MACROD2: variants seen among roughly 807,000 people sequenced by gnomAD.
MACROD2 encodes the protein ADP-ribose glycohydrolase MACROD2.
In MACROD2, 36 loss-of-function variants were observed where a neutral mutation model predicts 70.4. The observed-to-expected ratio is 0.51, with a 90% confidence interval of 0.39 to 0.68. MACROD2 has a LOEUF of 0.68. Ranked by LOEUF, MACROD2 falls within the 30% of genes least tolerant of loss-of-function variation. MACROD2 has a pLI of 0.00. For synonymous variants in MACROD2, 172 were observed against 178.8 expected, an observed-to-expected ratio of 0.96 and a Z score of 0.30; for missense variants, 496 against 538.4, an observed-to-expected ratio of 0.92 and a Z score of 0.78.
At chr20:15,964,645 C>T (rs1406312369) in intron 12 of MACROD2, among the ~76,000 whole-genome samples, 2 of 152,126 alleles carry the variant, frequency 1.3e-5, no homozygotes, top group African/African-American at 2.4e-5. Context: ...TTCAATGCAG[C>T]TTTCATCACC....
chr20:14,148,417 A>T lies in MACROD2; in HGVS notation c.271+62689A>T, dbSNP rs376139924. ...ACATTTGTGTACTGGGATCTGAAGA[A>T]CATGACTGCATAATTTAATGATTTT... On this transcript the variant is annotated intron_variant, in intron 3 of 17. Coordinates refer to ENST00000684519, the MANE Select transcript of MACROD2 (RefSeq NM_001351661.2). 5.2e-4 allele frequency among the ~76,000 whole-genome samples: 79 copies of T among 152,324 alleles called. 2 individuals carry two copies. In the South Asian group the frequency reaches 0.016, roughly 31 times the overall value.
chr20:15,930,257 G>T (rs1263739380), intron 10 of MACROD2, among the ~76,000 whole-genome samples: 2 of 152,140 alleles, frequency 1.3e-5, no homozygotes, highest in African/African-American at 2.4e-5. Context: ...AAAAAAGAAA[G>T]CTTGTCCTTA....
At chr20:14,302,991 T>G (rs1419753244) in intron 3 of MACROD2, among the ~76,000 whole-genome samples, 3 of 152,172 alleles carry the variant, frequency 2.0e-5, no homozygotes, top group Non-Finnish European at 4.4e-5. Flanking sequence ...AAAATTATTT[T>G]GCATTCACTG....
chr20:14,079,137 C>T (rs2053955376), intron 2 of MACROD2, among the ~76,000 whole-genome samples: 1 of 152,200 alleles, frequency 6.6e-6, no homozygotes, highest in Admixed American at 6.5e-5. Context: ...TTTTCTTTTA[C>T]TCTGATTCTT....
chr20:14,069,971 G>A (rs1171738305), intron 2 of MACROD2, among the ~76,000 whole-genome samples: 2 of 151,848 alleles, frequency 1.3e-5, no homozygotes, highest in Non-Finnish European at 2.9e-5. Context: ...CCCAGCTGAG[G>A]CCCCTATACC....
At chr20:15,506,731 C>A (rs888227958) in intron 8 of MACROD2, among the ~76,000 whole-genome samples, 11 of 152,164 alleles carry the variant, frequency 7.2e-5, no homozygotes, top group Non-Finnish European at 1.3e-4. Flanking sequence ...AAACAAGCTC[C>A]AAATTCCTGT....
intron 8 of MACROD2, among the ~76,000 whole-genome samples, chr20:15,533,826 G>A (rs114205992): frequency 2.0e-4 from 31 of 152,236 alleles, no homozygotes; most frequent in African/African-American, 7.2e-4. Context: ...GGTGGAGTGG[G>A]AGACTTGTCT....
chr20:15,789,142 G>C (rs191423490), intron 8 of MACROD2, among the ~76,000 whole-genome samples: 38 of 152,274 alleles, frequency 2.5e-4, no homozygotes, highest in African/African-American at 8.7e-4. Context: ...TGGTTTATCT[G>C]CCTTTCTGAT....
At chr20:15,167,315 G>A (rs531392605) in intron 5 of MACROD2, among the ~76,000 whole-genome samples, 8 of 152,154 alleles carry the variant, frequency 5.3e-5, no homozygotes, top group African/African-American at 1.9e-4. Context: ...AATCATCCTA[G>A]CTTTATCTGT....
chr20:14,995,030 A>T (rs184849728), intron 5 of MACROD2, among the ~76,000 whole-genome samples: 1 of 152,266 alleles, frequency 6.6e-6, no homozygotes, highest in East Asian at 1.9e-4. Context: ...TGAGAATTTT[A>T]ATTATGAACC....
chr20:14,765,787 C>T (rs371987524), intron 5 of MACROD2, among the ~76,000 whole-genome samples: 23 of 152,054 alleles, frequency 1.5e-4, no homozygotes, highest in African/African-American at 5.3e-4. Flanking sequence ...ATGAAAACAC[C>T]ATGGCTCCTT....
intron 8 of MACROD2, among the ~76,000 whole-genome samples, chr20:15,681,751 G>T (rs8120538): frequency 2.0e-5 from 3 of 152,088 alleles, no homozygotes; most frequent in Admixed American, 2.0e-4. Flanking sequence ...GAGTTTCATC[G>T]TGACGACTTC....
chr20:15,375,271 G>A (rs772442725), intron 6 of MACROD2, among the ~76,000 whole-genome samples: 9 of 152,188 alleles, frequency 5.9e-5, no homozygotes, highest in Admixed American at 2.0e-4. Flanking sequence ...AGATAAACTC[G>A]TGAGATACCT....
At chr20:14,490,008 C>T (rs2084777295) in intron 3 of MACROD2, among the ~76,000 whole-genome samples, 1 of 151,970 alleles carries the variant, frequency 6.6e-6, no homozygotes, top group African/African-American at 2.4e-5. Flanking sequence ...ACATAAGTTA[C>T]CTCTCCCAGC....
chr20:14,773,099 C>T (rs1018292905), intron 5 of MACROD2, among the ~76,000 whole-genome samples: 1 of 151,992 alleles, frequency 6.6e-6, no homozygotes, highest in Admixed American at 6.6e-5. Flanking sequence ...CGCTAGAAAT[C>T]CCCTGCAAAT....
intron 3 of MACROD2, among the ~76,000 whole-genome samples, chr20:14,365,942 C>T (rs181256655): frequency 4.1e-4 from 63 of 152,164 alleles, no homozygotes; most frequent in Non-Finnish European, 6.0e-4. Context: ...TCTCTAGCTT[C>T]ATTTATTGTG....
chr20:14,171,018 G>A (rs534362866), intron 3 of MACROD2, among the ~76,000 whole-genome samples: 2 of 151,932 alleles, frequency 1.3e-5, no homozygotes, highest in South Asian at 4.2e-4. Flanking sequence ...TTTCAGTCTC[G>A]CTGCTTATTA....
intron 3 of MACROD2, among the ~76,000 whole-genome samples, chr20:14,241,789 G>A (rs191795371): frequency 2.0e-5 from 3 of 152,164 alleles, no homozygotes; most frequent in Admixed American, 2.0e-4. Flanking sequence ...TGAAAATATT[G>A]TCTTCATACT....
chr20:14,215,331 C>CGT (rs2081610181), intron 3 of MACROD2, among the ~76,000 whole-genome samples: 1 of 114,212 alleles, frequency 8.8e-6, no homozygotes, highest in Non-Finnish European at 1.9e-5. Context: ...TCTATGCCAT[C>CGT]ATATATACAC....
Sources: gnomAD v4.1 joint callset for allele counts (sites outside exome capture counted in the v4.1 genomes callset) on GRCh38, gnomAD v4.1.1 for gene constraint, MANE v1.5 for transcripts, NCBI Gene and HGNC (gene_info 2026-07-23, HGNC 2026-07-21) for gene names.